The following B3GALT1 variants were observed in gnomAD, a reference collection of about 807,000 sequenced individuals.
B3GALT1 encodes the protein UDP-Gal:betaGlcNAc beta 1,3-galactosyltransferase, polypeptide 1.
Under a neutral mutation model 23.2 loss-of-function variants are expected in B3GALT1, and 10 were observed. That is an observed-to-expected ratio of 0.43 (90% CI 0.27 to 0.73). The LOEUF (loss-of-function observed/expected upper bound fraction) is 0.73, where lower values mean the gene tolerates loss of function less well. B3GALT1 is among the 30% of genes least tolerant of loss of function. The pLI, the probability that B3GALT1 is intolerant of heterozygous loss-of-function variation, is 0.21. For missense variants in B3GALT1, 299 were observed against 405.4 expected (o/e 0.74, Z 2.25); for synonymous variants, 156 against 141.5 (o/e 1.10, Z -0.73).
chr2:167,741,064 G>A (rs1441265162), intron 3 of B3GALT1, among the ~76,000 whole-genome samples: 1 of 152,152 alleles, frequency 6.6e-6, no homozygotes, highest in Non-Finnish European at 1.5e-5. Context: ...TTCTGAGAAT[G>A]CTTCTGGAAT....
intron 1 of B3GALT1, among the ~76,000 whole-genome samples, chr2:167,315,249 T>G (rs753324975): frequency 1.3e-5 from 2 of 152,176 alleles, no homozygotes; most frequent in Non-Finnish European, 2.9e-5. Context: ...TAACTCCACC[T>G]CTTATGAAGA....
chr2:167,486,061 ATATT>A (rs1242358544), intron 1 of B3GALT1, among the ~76,000 whole-genome samples: 1 of 152,188 alleles, frequency 6.6e-6, no homozygotes, highest in Non-Finnish European at 1.5e-5. Context: ...TTAAGTGCAA[ATATT>A]TATGAGATTC....
intron 3 of B3GALT1, among the ~76,000 whole-genome samples, chr2:167,694,805 A>G (rs1324180540): frequency 2.0e-4 from 30 of 152,140 alleles, no homozygotes; most frequent in Non-Finnish European, 5.9e-5. Flanking sequence ...ATGGCAAAAA[A>G]ATTTGCAGTC....
intron 1 of B3GALT1, among the ~76,000 whole-genome samples, chr2:167,409,679 C>T (rs1327266002): frequency 1.3e-5 from 2 of 151,950 alleles, no homozygotes; most frequent in Non-Finnish European, 2.9e-5. Flanking sequence ...TCTTAGCTTC[C>T]TTGCATTGGG....
chr2:167,440,344 GAAAAAA>G (rs745706207), intron 1 of B3GALT1, among the ~76,000 whole-genome samples: 6 of 70,140 alleles, frequency 8.6e-5, no homozygotes, highest in African/African-American at 2.8e-4. Flanking sequence ...GACTCTGTCT[GAAAAAA>G]AAAAAAAAAA....
intron 4 of B3GALT1, among the ~76,000 whole-genome samples, chr2:167,864,858 C>CCA: frequency 6.6e-6 from 1 of 151,970 alleles, no homozygotes; most frequent in East Asian, 1.9e-4. Flanking sequence ...ATGGAATGCA[C>CCA]CACACAGCAC....
chr2:167,501,985 T>G (rs1015307124), intron 2 of B3GALT1, among the ~76,000 whole-genome samples: 2 of 152,180 alleles, frequency 1.3e-5, no homozygotes, highest in South Asian at 2.1e-4. Flanking sequence ...TAACTGTAAA[T>G]GAAGTCTTAC....
At chr2:167,464,474 A>T (rs1442155979) in intron 1 of B3GALT1, among the ~76,000 whole-genome samples, 2 of 152,190 alleles carry the variant, frequency 1.3e-5, no homozygotes, top group African/African-American at 4.8e-5. Flanking sequence ...AGAAAAATAT[A>T]ATCCAAACCA....
chr2:167,427,736 G>A (rs1698645744), intron 1 of B3GALT1, among the ~76,000 whole-genome samples: 1 of 152,084 alleles, frequency 6.6e-6, no homozygotes, highest in South Asian at 2.1e-4. Flanking sequence ...GTTTTGCTAT[G>A]TTGCCCAGGC....
chr2:167,340,140 A>T (rs1697124018), intron 1 of B3GALT1, among the ~76,000 whole-genome samples: 1 of 152,090 alleles, frequency 6.6e-6, no homozygotes, highest in African/African-American at 2.4e-5. Context: ...GGAGCAAGGG[A>T]AGGTACATGA....
intron 2 of B3GALT1, among the ~76,000 whole-genome samples, chr2:167,543,435 A>G (rs983530940): frequency 6.6e-6 from 1 of 152,192 alleles, no homozygotes. Flanking sequence ...TATGCACCAC[A>G]TATGAAGATA....
intron 1 of B3GALT1, among the ~76,000 whole-genome samples, chr2:167,470,325 C>T (rs1057262865): frequency 6.6e-6 from 1 of 152,106 alleles, no homozygotes; most frequent in African/African-American, 2.4e-5. Context: ...CTGGGTTTAG[C>T]AATTAAAATT....
intron 3 of B3GALT1, among the ~76,000 whole-genome samples, chr2:167,701,438 T>C (rs1422946527): frequency 6.6e-6 from 1 of 152,012 alleles, no homozygotes; most frequent in Non-Finnish European, 1.5e-5. Flanking sequence ...GTCATCAACA[T>C]TTTTCTTTAA....
At position 167,808,462 on chromosome 2, in the gene B3GALT1, C is replaced by G. The variant is rs1348525941; in HGVS notation, c.-351-10210C>G. On this transcript the variant is annotated intron_variant, in intron 3 of 4. Transcript: ENST00000392690. ...GTACTTAGTTCTTCCTTCAGGAGCT[C>G]TTTTAGGGCAGGCCTGGTGGTGACA... is the stretch of plus-strand genomic sequence containing the variant. Among the ~76,000 whole-genome samples, 7 of 151,114 alleles carry G rather than the reference C, an allele frequency of 4.6e-5. 1 individual carries two copies. The highest frequency in any genetic ancestry group is 3.3e-4 in the Admixed American group (5 of 15,200).
chr2:167,742,245 C>T (rs1460869900), intron 3 of B3GALT1, among the ~76,000 whole-genome samples: 1 of 152,118 alleles, frequency 6.6e-6, no homozygotes, highest in Non-Finnish European at 1.5e-5. Context: ...GTATGAGAGA[C>T]AGTTGCTTCA....
intron 2 of B3GALT1, among the ~76,000 whole-genome samples, chr2:167,577,075 A>C (rs188754174): frequency 2.6e-5 from 4 of 151,806 alleles, no homozygotes; most frequent in East Asian, 3.9e-4. Flanking sequence ...TACACTAAGC[A>C]CTTTCTTCTT....
chr2:167,829,746 G>GACTT (rs2105377297), intron 4 of B3GALT1, among the ~76,000 whole-genome samples: 1 of 152,238 alleles, frequency 6.6e-6, no homozygotes, highest in African/African-American at 2.4e-5. Flanking sequence ...TGTGAGCTGT[G>GACTT]ACTTCCTGCT....
intron 2 of B3GALT1, among the ~76,000 whole-genome samples, chr2:167,520,850 G>C (rs1167567188): frequency 6.6e-6 from 1 of 152,214 alleles, no homozygotes; most frequent in African/African-American, 2.4e-5. Flanking sequence ...CCATCAAGTG[G>C]AAAGTTGGCT....
intron 1 of B3GALT1, among the ~76,000 whole-genome samples, chr2:167,379,090 C>T (rs1697804760): frequency 6.6e-6 from 1 of 152,090 alleles, no homozygotes; most frequent in South Asian, 2.1e-4. Flanking sequence ...CACAGTTCAG[C>T]ATGGTGAGGG....
Sources: gnomAD v4.1 joint callset for allele counts (sites outside exome capture counted in the v4.1 genomes callset) on GRCh38, gnomAD v4.1.1 for gene constraint, MANE v1.5 for transcripts, NCBI Gene and HGNC (gene_info 2026-07-23, HGNC 2026-07-21) for gene names.